ZNF18: variants seen among roughly 807,000 people sequenced by gnomAD.
ZNF18 encodes zinc finger protein 18.
A neutral mutation model predicts 58.1 loss-of-function variants in ZNF18; 42 were observed. The ratio of observed to expected loss-of-function variants is 0.72; its 90% CI spans 0.56 to 0.93. The LOEUF (loss-of-function observed/expected upper bound fraction) is 0.93. Ranked by LOEUF, ZNF18 falls within the 40% of genes least tolerant of loss-of-function variation. The pLI, the probability that ZNF18 is intolerant of heterozygous loss-of-function variation, is 0.00. For synonymous variants in ZNF18, 231 were observed against 239.8 expected (o/e 0.96, Z 0.34); for missense variants, 540 against 644.2 (o/e 0.84, Z 1.75).
intron 1 of ZNF18, among the ~76,000 whole-genome samples, chr17:11,996,479 A>G (rs1055980037): frequency 6.6e-6 from 1 of 152,188 alleles, no homozygotes; most frequent in Non-Finnish European, 1.5e-5. Flanking sequence ...TTTGTTAGTA[A>G]TATTATACTC....
At chr17:12,006,833 G>A in the ZNF18 span, among the ~76,000 whole-genome samples, 2 of 152,088 alleles carry the variant, frequency 1.3e-5, no homozygotes, top group African/African-American at 4.8e-5. Context: ...GAAAAAAGCT[G>A]TAATGATCAG....
chr17:12,014,549 C>T, the ZNF18 span, among the ~76,000 whole-genome samples: 6 of 152,282 alleles, frequency 3.9e-5, no homozygotes, highest in South Asian at 2.1e-4. Context: ...TGTGTGACCA[C>T]GTACTGTATG....
chr17:12,008,226 T>C, the ZNF18 span, among the ~76,000 whole-genome samples: 1 of 152,204 alleles, frequency 6.6e-6, no homozygotes, highest in African/African-American at 2.4e-5. Context: ...TGTGGACCCT[T>C]CCAACCAGAA....
At chr17:12,008,445 A>G in the ZNF18 span, among the ~76,000 whole-genome samples, 35,580 of 151,956 alleles carry the variant, frequency 0.23, 4,320 homozygotes, top group Non-Finnish European at 0.26. Context: ...AGGGATCCTC[A>G]CGCCTCAGCC....
At chr17:12,004,668 C>A in the ZNF18 span, among the ~76,000 whole-genome samples, 4 of 152,076 alleles carry the variant, frequency 2.6e-5, no homozygotes, top group Non-Finnish European at 5.9e-5. Flanking sequence ...CAGCAGATCA[C>A]CTGAGGTTGG....
At chr17:12,018,247 T>C in the ZNF18 span, among the ~76,000 whole-genome samples, 3 of 152,358 alleles carry the variant, frequency 2.0e-5, no homozygotes, top group East Asian at 3.9e-4. Context: ...CCATTATTAC[T>C]AAAAAGGTTA....
chr17:11,991,806 C>T (rs1289318565), intron 2 of ZNF18, among the ~76,000 whole-genome samples: 1 of 152,088 alleles, frequency 6.6e-6, no homozygotes, highest in African/African-American at 2.4e-5. Context: ...TTCAGTATCT[C>T]CACCCAGCTT....
At chr17:12,006,973 T>C in the ZNF18 span, among the ~76,000 whole-genome samples, 11 of 152,186 alleles carry the variant, frequency 7.2e-5, no homozygotes, top group Admixed American at 6.5e-4. Flanking sequence ...TGTGGCCTCA[T>C]AGAGATAGCT....
At chr17:12,020,874 T>A in the ZNF18 span, 1 of 1,084,008 alleles carries the variant, frequency 9.2e-7, no homozygotes, top group Non-Finnish European at 1.2e-6. Flanking sequence ...CGCTCGGCTC[T>A]TCACTCCCAA....
At chr17:12,020,392 G>A in the ZNF18 span, among the ~76,000 whole-genome samples, 3 of 152,132 alleles carry the variant, frequency 2.0e-5, no homozygotes, top group Non-Finnish European at 4.4e-5. Flanking sequence ...TTGGGCTTAA[G>A]AGGAGTTCCA....
At chr17:11,984,314 C>T (rs1413523511) in intron 4 of ZNF18, 117 bp from the exon 5 acceptor site, 1 of 963,742 alleles carries the variant, frequency 1.0e-6, no homozygotes, top group African/African-American at 1.7e-5. Context: ...GGATCCTGGC[C>T]ATCGCAAGAC....
At position 11,992,617 on chromosome 17, in the gene ZNF18, C is replaced by G; in HGVS notation, c.213G>C (p.Gln71His). ...QLRKLCFQWLQPEVHTKEQIL... is the reference protein window; with the variant it reads ...QLRKLCFQWLHPEVHTKEQIL... ...TCTGCTCTTTGGTGTGAACCTCTGGCTGTAGCCACTGGAAACAGAGCTTCC... is the reference window on the plus strand; with the variant it reads ...TCTGCTCTTTGGTGTGAACCTCTGGGTGTAGCCACTGGAAACAGAGCTTCC... The change falls in exon 2 of 7, where the codon CAG (glutamine) becomes CAC (histidine). Residue 71 changes from glutamine to histidine, a missense_variant. Transcript: ENST00000580306. 4.3e-6 allele frequency: 7 copies of G among 1,614,238 alleles called. No individual in the cohort carries two copies. Among genetic ancestry groups the G allele is most frequent in the Non-Finnish European group, 5.9e-6 (7 of 1,180,046 alleles).
chr17:12,004,615 C>A, the ZNF18 span, among the ~76,000 whole-genome samples: 1 of 152,032 alleles, frequency 6.6e-6, no homozygotes, highest in African/African-American at 2.4e-5. Context: ...TGGCCGGGCA[C>A]GGTGGCTGAA....
At chr17:11,981,169 G>A (rs1208607114) in intron 6 of ZNF18, among the ~76,000 whole-genome samples, 1 of 152,076 alleles carries the variant, frequency 6.6e-6, no homozygotes, top group Non-Finnish European at 1.5e-5. Flanking sequence ...TGGTTACTGT[G>A]ACTTCCACAA....
the ZNF18 span, among the ~76,000 whole-genome samples, chr17:12,019,294 ATGTGTGTGTGTGTGTGTGTG>A: frequency 8.7e-4 from 126 of 145,452 alleles, no homozygotes; most frequent in African/African-American, 2.9e-3. Context: ...ATAATATTGG[ATGTGTGTGTGTGTGTGTGTG>A]TGTGTGTGTG....
chr17:12,014,512 G>A, the ZNF18 span, among the ~76,000 whole-genome samples: 1 of 152,160 alleles, frequency 6.6e-6, no homozygotes, highest in African/African-American at 2.4e-5. Flanking sequence ...AAAGCATTAT[G>A]GTAAGTGAAA....
the ZNF18 span, among the ~76,000 whole-genome samples, chr17:12,017,078 G>A: frequency 6.6e-6 from 1 of 151,572 alleles, no homozygotes; most frequent in Non-Finnish European, 1.5e-5. Flanking sequence ...TGCGCCTGTA[G>A]TGCCATCTGC....
rs1239528117 is a variant in ZNF18, at chr17:11,989,047, T to C, written c.666+1415A>G. Among the ~76,000 whole-genome samples, 3 of 151,922 alleles carry C rather than the reference T, an allele frequency of 2.0e-5. No individual in the cohort carries two copies. In the East Asian group the frequency reaches 5.8e-4, roughly 29 times the overall value. On this transcript the variant is annotated intron_variant, in intron 4 of 6. Transcript: ENST00000580306. ...GGTGGCACACGCCTGTAATCCCAGC[T>C]ACTCAGGAGACTGAGGCAGGAGAAT...
the ZNF18 span, among the ~76,000 whole-genome samples, chr17:12,004,596 G>A: frequency 3.9e-5 from 6 of 152,034 alleles, no homozygotes; most frequent in African/African-American, 1.4e-4. Context: ...TACTAGAAAT[G>A]TGCGTTTATG....
Sources: allele counts gnomAD v4.1 joint callset (sites outside exome capture counted in the v4.1 genomes callset), GRCh38; gene constraint gnomAD v4.1.1; transcripts MANE v1.5; gene names NCBI Gene and HGNC (gene_info 2026-07-23, HGNC 2026-07-21).